The following SCN9A variants were observed in gnomAD, a reference collection of about 807,000 sequenced individuals.
The protein encoded by SCN9A is sodium channel protein type 9 subunit alpha.
A neutral mutation model predicts 187.0 loss-of-function variants in SCN9A; 131 were observed. That is an observed-to-expected ratio of 0.70 (90% CI 0.61 to 0.81). SCN9A has a LOEUF of 0.81. Ranked by LOEUF, SCN9A falls within the 30% of genes least tolerant of loss-of-function variation. The pLI is 0.00. For synonymous variants in SCN9A, 809 were observed against 808.6 expected, an observed-to-expected ratio of 1.00 and a Z score of -0.01; for missense variants, 2,252 against 2,396.6, an observed-to-expected ratio of 0.94 and a Z score of 1.26.
chr2:166,321,334 A>G (rs1427893351), intron 1 of SCN9A: 3 of 152,138 alleles, frequency 2.0e-5, no homozygotes, highest in Non-Finnish European at 4.4e-5. Flanking sequence ...AGCATGGGCA[A>G]CACAGTGACA....
At chr2:166,239,632 G>A (rs7557561) in intron 19 of SCN9A, among the ~76,000 whole-genome samples, 130,741 of 152,090 alleles carry the variant, frequency 0.86, 56,288 homozygotes, top group East Asian at 0.95. Flanking sequence ...TAGCCCTCAG[G>A]ATTTTCCTCC....
At chr2:166,270,117 A>G (rs1696910339) in intron 17 of SCN9A, among the ~76,000 whole-genome samples, 1 of 152,124 alleles carries the variant, frequency 6.6e-6, no homozygotes, top group African/African-American at 2.4e-5. Context: ...AGAACATTTT[A>G]AAATATACAA....
At chr2:166,218,371 G>A (rs1694429346) in intron 24 of SCN9A, among the ~76,000 whole-genome samples, 1 of 151,714 alleles carries the variant, frequency 6.6e-6, no homozygotes, top group African/African-American at 2.4e-5. Context: ...TAACAAACCT[G>A]CACGTTGTGC....
chr2:166,366,894 A>G (rs1214111908), intron 1 of SCN9A, among the ~76,000 whole-genome samples: 1 of 152,252 alleles, frequency 6.6e-6, no homozygotes, highest in African/African-American at 2.4e-5. Context: ...TATTATAAAC[A>G]TAATGTAAAA....
intron 17 of SCN9A, among the ~76,000 whole-genome samples, chr2:166,266,221 A>G (rs1267551125): frequency 6.6e-6 from 1 of 151,830 alleles, no homozygotes; most frequent in Middle Eastern, 3.2e-3. Context: ...TAAGTAGTCT[A>G]TTTTGAGTTG....
At chr2:166,297,349 G>C (rs982949770) in intron 7 of SCN9A, among the ~76,000 whole-genome samples, 4 of 151,514 alleles carry the variant, frequency 2.6e-5, no homozygotes, top group African/African-American at 9.7e-5. Context: ...ACCAAAAGAC[G>C]GAAATAACCC....
At chr2:166,349,071 G>A (rs1459449212) in intron 1 of SCN9A, among the ~76,000 whole-genome samples, 1 of 151,930 alleles carries the variant, frequency 6.6e-6, no homozygotes, top group Non-Finnish European at 1.5e-5. Context: ...AGATTGCGGT[G>A]AGCCGAGATC....
At chr2:166,233,188 C>T (rs1005517917) in intron 21 of SCN9A, among the ~76,000 whole-genome samples, 152 bp downstream of exon 21, 1 of 67,746 alleles carries the variant, frequency 1.5e-5, no homozygotes, top group East Asian at 5.1e-4. Context: ...TACATATATG[C>T]ATATGTATAT....
intron 24 of SCN9A, among the ~76,000 whole-genome samples, chr2:166,211,432 C>A (rs1694088305): frequency 6.6e-6 from 1 of 151,850 alleles, no homozygotes; most frequent in Non-Finnish European, 1.5e-5. Context: ...TGGTAAAGAG[C>A]AACACAAGAG....
intron 1 of SCN9A, among the ~76,000 whole-genome samples, chr2:166,372,290 G>C (rs1181278233): frequency 6.6e-6 from 1 of 152,074 alleles, no homozygotes; most frequent in Non-Finnish European, 1.5e-5. Context: ...TTGTACCTGG[G>C]GCAAACATCA....
At chr2:166,365,455 T>C (rs1457632600) in intron 1 of SCN9A, among the ~76,000 whole-genome samples, 1 of 152,214 alleles carries the variant, frequency 6.6e-6, no homozygotes, top group Non-Finnish European at 1.5e-5. Context: ...GTTGTACCCA[T>C]GCTGGTAATT....
At chr2:166,236,080 C>T (rs1043185643) in intron 20 of SCN9A, among the ~76,000 whole-genome samples, 2 of 151,708 alleles carry the variant, frequency 1.3e-5, no homozygotes, top group South Asian at 2.1e-4. Flanking sequence ...AGAGAGACCC[C>T]GTCATATTTA....
intron 5 of SCN9A, among the ~76,000 whole-genome samples, chr2:166,305,431 T>G (rs1031970081): frequency 1.3e-5 from 2 of 152,082 alleles, no homozygotes; most frequent in Admixed American, 1.3e-4. Flanking sequence ...TAAAGAGCAC[T>G]GTACTTGTAT....
chr2:166,291,115 C>T (rs1390326356), intron 9 of SCN9A, among the ~76,000 whole-genome samples: 1 of 152,048 alleles, frequency 6.6e-6, no homozygotes, highest in Non-Finnish European at 1.5e-5. Flanking sequence ...AAAGGGTATT[C>T]AAATAGGAAG....
intron 1 of SCN9A, among the ~76,000 whole-genome samples, chr2:166,313,240 A>G (rs1356460276): frequency 1.3e-5 from 2 of 152,122 alleles, no homozygotes; most frequent in African/African-American, 4.8e-5. Context: ...TAAAGTCACC[A>G]GCTGCATTAT....
Position 166,322,966 on chromosome 2 carries a change from G to T in SCN9A, c.-50-11160C>A, listed in dbSNP as rs1486047112. 2.6e-5 allele frequency among the ~76,000 whole-genome samples: 4 copies of T among 152,100 alleles called. No homozygotes were observed. In the East Asian group the frequency reaches 7.7e-4, roughly 29 times the overall value. On this transcript the variant is annotated intron_variant, in intron 1 of 26. Transcript: ENST00000642356. Reference sequence around the variant, plus strand: ...TTTAAACAATACAAGAGTATCCCTAGAATGACTGTTGATTGCTCAAAGGAT... The same window carrying T: ...TTTAAACAATACAAGAGTATCCCTATAATGACTGTTGATTGCTCAAAGGAT...
chr2:166,235,652 C>T (rs1695283884), intron 20 of SCN9A, among the ~76,000 whole-genome samples: 1 of 151,362 alleles, frequency 6.6e-6, no homozygotes, highest in Admixed American at 6.6e-5. Context: ...AGAACAACTG[C>T]TGTAGATAAG....
intron 5 of SCN9A, among the ~76,000 whole-genome samples, chr2:166,305,054 G>C (rs1698709634): frequency 6.6e-6 from 1 of 152,060 alleles, no homozygotes; most frequent in African/African-American, 2.4e-5. Context: ...TGATGGAAAA[G>C]AGGTTAGGCA....
rs1696842455 is a variant in SCN9A, at chr2:166,268,578, T to C, written c.3351+3821A>G. Among the ~76,000 whole-genome samples, 6 of 151,990 alleles carry C rather than the reference T, an allele frequency of 3.9e-5. No homozygotes were observed. In the South Asian group the frequency reaches 1.2e-3, roughly 31 times the overall value. ...TTAGACAAATAAATAAAATGTACAC[T>C]ATTTTAGTGATCTGAATGGGAAAAC... On this transcript the variant is annotated intron_variant, in intron 17 of 26. Coordinates refer to ENST00000642356, the MANE Select transcript of SCN9A (RefSeq NM_001365536.1).
Sources: allele counts gnomAD v4.1 joint callset (sites outside exome capture counted in the v4.1 genomes callset), GRCh38; gene constraint gnomAD v4.1.1; transcripts MANE v1.5; gene names NCBI Gene and HGNC (gene_info 2026-07-23, HGNC 2026-07-21).